Variants in ASIC2 observed in about 807,000 individuals in gnomAD.
ASIC2 encodes acid sensing ion channel subunit 2.
ASIC2 carries 25 observed loss-of-function variants against 57.3 expected under a neutral mutation model. The ratio of observed to expected loss-of-function variants is 0.44; its 90% confidence interval spans 0.32 to 0.61. The LOEUF (loss-of-function observed/expected upper bound fraction) is 0.61. ASIC2 is among the 20% of genes least tolerant of loss of function. ASIC2 has a pLI of 0.06. For missense variants in ASIC2, 641 were observed against 738.1 expected, an observed-to-expected ratio of 0.87 and a Z score of 1.52; for synonymous variants, 319 against 307.5, an observed-to-expected ratio of 1.04 and a Z score of -0.39.
At chr17:33,025,118 G>A (rs999937585) in intron 5 of ASIC2, among the ~76,000 whole-genome samples, 3 of 152,118 alleles carry the variant, frequency 2.0e-5, no homozygotes, top group Admixed American at 6.6e-5. Flanking sequence ...GAGGTATCTG[G>A]ACCTGAGGCC....
chr17:33,689,175 T>C (rs147728974), intron 1 of ASIC2: 345 of 152,356 alleles, frequency 2.3e-3, no homozygotes, highest in African/African-American at 7.8e-3. Flanking sequence ...AATCTAAATA[T>C]CCATGTGCTT....
chr17:33,693,689 G>C (rs1908441523), intron 1 of ASIC2, among the ~76,000 whole-genome samples: 1 of 152,214 alleles, frequency 6.6e-6, no homozygotes, highest in Non-Finnish European at 1.5e-5. Flanking sequence ...CGAACAGACT[G>C]TATGTCTCCC....
chr17:33,041,447 T>C (rs778563466), intron 3 of ASIC2, among the ~76,000 whole-genome samples: 1 of 152,198 alleles, frequency 6.6e-6, no homozygotes, highest in Non-Finnish European at 1.5e-5. Flanking sequence ...TCTTGCTCAC[T>C]GGATCTCAGA....
chr17:33,114,665 G>C (rs1274037850), intron 1 of ASIC2, among the ~76,000 whole-genome samples: 1 of 152,180 alleles, frequency 6.6e-6, no homozygotes, highest in African/African-American at 2.4e-5. Context: ...CAGTGCCATT[G>C]GTGAAGGTGT....
intron 1 of ASIC2, among the ~76,000 whole-genome samples, chr17:34,058,464 C>T (rs1407850626): frequency 6.6e-6 from 1 of 152,216 alleles, no homozygotes; most frequent in East Asian, 1.9e-4. Context: ...GGATTACCCA[C>T]TGTGAACTGG....
At chr17:33,739,900 AAGAG>A (rs1260230441) in intron 1 of ASIC2, among the ~76,000 whole-genome samples, 5 of 151,300 alleles carry the variant, frequency 3.3e-5, no homozygotes, top group Admixed American at 1.3e-4. Flanking sequence ...GAAAAGAAAA[AAGAG>A]AAAGAAAGAA....
At chr17:34,131,820 C>G (rs754873466) in intron 1 of ASIC2, among the ~76,000 whole-genome samples, 1 of 152,180 alleles carries the variant, frequency 6.6e-6, no homozygotes, top group Admixed American at 6.5e-5. Context: ...AACAAGAGGC[C>G]CTGAAAGGTC....
At chr17:33,665,133 G>T (rs79427977) in intron 1 of ASIC2, among the ~76,000 whole-genome samples, 3 of 152,064 alleles carry the variant, frequency 2.0e-5, no homozygotes, top group Admixed American at 6.5e-5. Context: ...GGCTCAGACC[G>T]TGAAGGCAGG....
At chr17:34,099,154 GAGAGAGAGAGAAAGAA>G (rs1567820890) in intron 1 of ASIC2, among the ~76,000 whole-genome samples, 75 of 26,204 alleles carry the variant, frequency 2.9e-3, no homozygotes, top group African/African-American at 6.9e-3. Context: ...GACAGAGAGA[GAGAGAGAGAGAAAGAA>G]AGAAAGAAAG....
chr17:33,832,961 A>C (rs938870678), intron 1 of ASIC2, among the ~76,000 whole-genome samples: 3 of 152,194 alleles, frequency 2.0e-5, no homozygotes, highest in African/African-American at 7.2e-5. Context: ...ATATTACGGA[A>C]TATTATGTAG....
chr17:33,085,259 T>C (rs1001864994), intron 3 of ASIC2, among the ~76,000 whole-genome samples: 1 of 152,246 alleles, frequency 6.6e-6, no homozygotes, highest in Non-Finnish European at 1.5e-5. Context: ...TGCCACATTT[T>C]ATGGATATAC....
intron 7 of ASIC2, 21 bp downstream of exon 7, chr17:33,021,198 G>T (rs2141896537): frequency 1.1e-5 from 6 of 529,332 alleles, no homozygotes; most frequent in South Asian, 1.5e-5. Context: ...GTGGAAATTT[G>T]TGCAATAGAC....
At chr17:33,206,205 C>T (rs1313812038) in intron 1 of ASIC2, among the ~76,000 whole-genome samples, 1 of 152,112 alleles carries the variant, frequency 6.6e-6, no homozygotes, top group East Asian at 1.9e-4. Context: ...GAAATGCTTG[C>T]TTGGTATCAT....
intron 3 of ASIC2, among the ~76,000 whole-genome samples, chr17:33,032,381 A>T (rs1169297909): frequency 6.8e-6 from 1 of 146,378 alleles, no homozygotes; most frequent in Non-Finnish European, 1.5e-5. Context: ...AATTCTATTT[A>T]TATTGCTTCT....
At chr17:33,511,848 G>T (rs1283719432) in intron 1 of ASIC2, among the ~76,000 whole-genome samples, 17 of 152,198 alleles carry the variant, frequency 1.1e-4, no homozygotes, top group Non-Finnish European at 1.9e-4. Context: ...TATATAGTAG[G>T]TTTGGAGGCA....
rs16967895 is a variant in ASIC2 at position 33,023,996 on chromosome 17, T to C, written c.1214A>G (p.Asp405Gly). 3,467 of 1,614,150 alleles carry C rather than the reference T, an allele frequency of 2.1e-3. 3 individuals carry two copies. The highest frequency in any genetic ancestry group is 2.5e-3 in the Non-Finnish European group (2,979 of 1,180,022). Residue 405 changes from aspartate (D) to glycine (G), a missense_variant, in exon 6 of 10, where the codon GAC becomes GGC. Physicochemically the swap from Asp to Gly is moderately conservative, Grantham distance 94. This residue lies in a region of ASIC2 where 252 missense variants were observed against 319.8 expected (regional missense o/e 0.79). Coordinates refer to ENST00000225823, the MANE Select transcript of ASIC2 (RefSeq NM_183377.2). ...EPALGLLAEK[D>G]SNYCLCRTPC... ...TGTCCTGCAGAGACAGTAATTGCTG[T>C]CCTTTTCCGCCAACAGACCTGGAGG...
chr17:33,175,847 C>T (rs750225292), intron 1 of ASIC2, among the ~76,000 whole-genome samples: 6 of 152,108 alleles, frequency 3.9e-5, no homozygotes, highest in Non-Finnish European at 4.4e-5. Flanking sequence ...CTCCACCTTG[C>T]GGCCAAGATC....
At chr17:33,942,191 C>G (rs562436608) in intron 1 of ASIC2, among the ~76,000 whole-genome samples, 142 of 152,178 alleles carry the variant, frequency 9.3e-4, no homozygotes, top group African/African-American at 3.3e-3. Context: ...TTAAGCAATG[C>G]CTGAAAGCCC....
At chr17:33,877,318 G>C (rs1914573820) in intron 1 of ASIC2, among the ~76,000 whole-genome samples, 1 of 152,214 alleles carries the variant, frequency 6.6e-6, no homozygotes, top group African/African-American at 2.4e-5. Context: ...AGCAGGGCAA[G>C]GCATCGCCTC....
Sources: gnomAD v4.1 joint callset for allele counts (sites outside exome capture counted in the v4.1 genomes callset) on GRCh38, gnomAD v4.1.1 for gene constraint, gnomAD v4.1.1 regional missense constraint, MANE v1.5 for transcripts, NCBI Gene and HGNC (gene_info 2026-07-23, HGNC 2026-07-21) for gene names.